The following TBC1D5 variants were observed in gnomAD, a reference collection of about 807,000 sequenced individuals.
TBC1D5 encodes the protein TBC1 domain family member 5, also known as TBC1 domain family, member 5.
TBC1D5 carries 75 observed loss-of-function variants against 100.3 expected under a neutral mutation model. The observed-to-expected ratio is 0.75, with a 90% CI of 0.62 to 0.91. The LOEUF (loss-of-function observed/expected upper bound fraction) is 0.91. TBC1D5 is among the 40% of genes least tolerant of loss of function. TBC1D5 has a pLI of 0.00. For synonymous variants in TBC1D5, 323 were observed against 325.6 expected, an observed-to-expected ratio of 0.99 and a Z score of 0.09; for missense variants, 910 against 942.4, an observed-to-expected ratio of 0.97 and a Z score of 0.45.
At chr3:17,725,109 C>G (rs1256757492) in intron 1 of TBC1D5, among the ~76,000 whole-genome samples, 1 of 152,146 alleles carries the variant, frequency 6.6e-6, no homozygotes, top group African/African-American at 2.4e-5. Flanking sequence ...GGGTCTATTT[C>G]TGTCGTTTTT....
intron 1 of TBC1D5, among the ~76,000 whole-genome samples, chr3:17,699,170 T>C (rs1191209231): frequency 8.0e-6 from 1 of 125,404 alleles, no homozygotes; most frequent in Non-Finnish European, 1.6e-5. Flanking sequence ...TAGACTGGAT[T>C]AAGAAAATGT....
intron 2 of TBC1D5, among the ~76,000 whole-genome samples, chr3:17,554,820 T>C (rs2096502219): frequency 6.6e-6 from 1 of 152,128 alleles, no homozygotes; most frequent in South Asian, 2.1e-4. Context: ...CCATTATCTC[T>C]TCTTTTCATA....
intron 13 of TBC1D5, among the ~76,000 whole-genome samples, chr3:17,365,098 A>T (rs1270598899): frequency 6.6e-6 from 1 of 152,200 alleles, no homozygotes; most frequent in Non-Finnish European, 1.5e-5. Context: ...ACAAATAATG[A>T]TTTAAATTAT....
intron 3 of TBC1D5, among the ~76,000 whole-genome samples, chr3:17,466,249 C>T (rs2095299512): frequency 6.6e-6 from 1 of 152,194 alleles, no homozygotes; most frequent in South Asian, 2.1e-4. Flanking sequence ...ACTGCCTTGA[C>T]ATAACCGTTT....
intron 2 of TBC1D5, among the ~76,000 whole-genome samples, chr3:17,580,902 A>C (rs1387701357): frequency 6.6e-6 from 1 of 152,080 alleles, no homozygotes; most frequent in Non-Finnish European, 1.5e-5. Flanking sequence ...AGGTGCCCCA[A>C]GGCTAGCATT....
chr3:17,379,387 C>CTAG (rs1202955755), intron 9 of TBC1D5, among the ~76,000 whole-genome samples: 2 of 151,962 alleles, frequency 1.3e-5, no homozygotes, highest in African/African-American at 4.8e-5. Context: ...CAAGTTATGG[C>CTAG]TAGTTTAATA....
At chr3:17,559,333 GT>G (rs2153470106) in intron 2 of TBC1D5, among the ~76,000 whole-genome samples, 1 of 151,756 alleles carries the variant, frequency 6.6e-6, no homozygotes, top group South Asian at 2.1e-4. Context: ...TAGAGATCGG[GT>G]TTCACCATGT....
intron 3 of TBC1D5, among the ~76,000 whole-genome samples, chr3:17,507,823 A>G (rs926616270): frequency 3.3e-5 from 5 of 152,142 alleles, no homozygotes; most frequent in African/African-American, 9.7e-5. Context: ...CACAAACTCA[A>G]TTGCTTCTGT....
rs540942294 is a variant in TBC1D5 at position 17,235,713 on chromosome 3, G to T, written c.1588+2450C>A. Among the ~76,000 whole-genome samples the T allele has an allele frequency of 7.2e-5, 11 of 152,332 alleles. No homozygotes were observed. In the South Asian group the frequency reaches 2.3e-3, roughly 32 times the overall value. On this transcript the variant is annotated intron_variant, in intron 17 of 21. Transcript: ENST00000253692. The stretch of plus-strand genomic sequence containing the variant: ...CTCTTATTTCAGGGTGAGGAAAGAA[G>T]AGGGTCAGAGAGCTTCAGGGTGTTG...
chr3:17,257,173 C>G (rs1056474007), intron 16 of TBC1D5, among the ~76,000 whole-genome samples: 1 of 143,892 alleles, frequency 6.9e-6, no homozygotes, highest in African/African-American at 2.5e-5. Flanking sequence ...AAAAAATAAT[C>G]TTGTGGGGGT....
At chr3:17,340,500 A>C (rs1372691226) in intron 13 of TBC1D5, among the ~76,000 whole-genome samples, 1 of 152,146 alleles carries the variant, frequency 6.6e-6, no homozygotes, top group African/African-American at 2.4e-5. Flanking sequence ...TCTGAGTGAG[A>C]TGTAAGATTT....
At chr3:17,576,638 A>G (rs898855409) in intron 2 of TBC1D5, 3 of 152,088 alleles carry the variant, frequency 2.0e-5, no homozygotes, top group Admixed American at 1.3e-4. Context: ...CCAATTATCT[A>G]TAAGGTATAC....
chr3:17,160,914 G>A (rs1480421198), exon 22 of TBC1D5: 1 of 1,572,122 alleles, frequency 6.4e-7, no homozygotes, highest in Admixed American at 1.8e-5. Flanking sequence ...TGGCCTTGGG[G>A]CCACTGAAGG....
chr3:17,639,556 A>G (rs2064302804), intron 1 of TBC1D5, among the ~76,000 whole-genome samples: 1 of 152,110 alleles, frequency 6.6e-6, no homozygotes, highest in Admixed American at 6.6e-5. Flanking sequence ...CTCACCAAAG[A>G]TAACTTTTTG....
exon 18 of TBC1D5, chr3:17,214,232 C>A (rs549407852): frequency 6.2e-7 from 1 of 1,612,476 alleles, no homozygotes; most frequent in South Asian, 1.1e-5. Context: ...CATAGTTTTG[C>A]TGTGTGAGCG....
intron 1 of TBC1D5, among the ~76,000 whole-genome samples, chr3:17,695,891 A>G (rs1158402749): frequency 6.6e-6 from 1 of 152,220 alleles, no homozygotes; most frequent in Non-Finnish European, 1.5e-5. Context: ...AAATCACAAC[A>G]AACTGTCTCT....
intron 2 of TBC1D5, among the ~76,000 whole-genome samples, chr3:17,563,114 G>A (rs1226508916): frequency 6.6e-6 from 1 of 152,196 alleles, no homozygotes; most frequent in Non-Finnish European, 1.5e-5. Context: ...GTAAGAGAGA[G>A]TTTTCAGGTT....
At chr3:17,414,507 A>G (rs1380047661) in intron 4 of TBC1D5, among the ~76,000 whole-genome samples, 1 of 152,224 alleles carries the variant, frequency 6.6e-6, no homozygotes, top group African/African-American at 2.4e-5. Flanking sequence ...TTTTAAAGGT[A>G]TGATTTTGAA....
intron 2 of TBC1D5, among the ~76,000 whole-genome samples, chr3:17,565,718 G>T (rs2096589408): frequency 6.6e-6 from 1 of 152,054 alleles, no homozygotes. Context: ...TCGAATTAGA[G>T]TAATTTACAT....
Sources: allele counts gnomAD v4.1 joint callset (sites outside exome capture counted in the v4.1 genomes callset), GRCh38; gene constraint gnomAD v4.1.1; transcripts MANE v1.5; gene names NCBI Gene and HGNC (gene_info 2026-07-23, HGNC 2026-07-21).